The following CSNK2A2 variants were observed in gnomAD, a reference collection of about 807,000 sequenced individuals.
CSNK2A2 encodes the protein casein kinase 2 alpha 2, also known as casein kinase II subunit alpha'.
In CSNK2A2, 8 loss-of-function variants were observed where a neutral mutation model predicts 54.0. The ratio of observed to expected loss-of-function variants is 0.15; its 90% CI spans 0.09 to 0.27. The LOEUF is 0.27. CSNK2A2 is among the 10% of genes least tolerant of loss of function. The pLI is 1.00. For synonymous variants in CSNK2A2, 141 were observed against 153.9 expected (o/e 0.92, Z 0.62); for missense variants, 242 against 439.4 (o/e 0.55, Z 4.02).
At chr16:58,162,396 C>T (rs1961409665) in intron 11 of CSNK2A2, 1 of 152,136 alleles carries the variant, frequency 6.6e-6, no homozygotes, top group Admixed American at 6.5e-5. Context: ...CATTCCTTGG[C>T]TTTGGGATCT....
In CSNK2A2 at chr16:58,177,167, T is replaced by C. The variant is rs117049994; in HGVS notation, c.370-2657A>G. On this transcript the variant is annotated intron_variant, in intron 4 of 11. Transcript: ENST00000262506. Reference sequence around the variant, plus strand: ...CCAAACACCATGTATGGCAGCTCTGTCTTGCATACATGTTTTTACAATGTT... The same window carrying C: ...CCAAACACCATGTATGGCAGCTCTGCCTTGCATACATGTTTTTACAATGTT... 3.0e-3 allele frequency among the ~76,000 whole-genome samples: 459 copies of C among 152,288 alleles called. 11 individuals carry two copies. In the East Asian group the frequency reaches 0.076, roughly 25 times the overall value.
At chr16:58,161,749 C>G (rs946755313) in intron 11 of CSNK2A2, 1 of 152,172 alleles carries the variant, frequency 6.6e-6, no homozygotes. Flanking sequence ...GGTGCCAAGA[C>G]CAGACCCAGG....
chr16:58,159,413 A>C (rs950799119), intron 11 of CSNK2A2: 23 of 152,256 alleles, frequency 1.5e-4, no homozygotes, highest in African/African-American at 5.5e-4. Flanking sequence ...GAACACTCCC[A>C]ACAGGACACC....
At chr16:58,167,428 TA>T (rs869080441) in intron 7 of CSNK2A2, 120 bp from the exon 8 acceptor site, 5 of 700,456 alleles carry the variant, frequency 7.1e-6, no homozygotes, top group Non-Finnish European at 8.9e-6. Flanking sequence ...ATAATTTATT[TA>T]AAAAAAATTT....
chr16:58,195,281 G>A (rs1438297948), intron 2 of CSNK2A2, among the ~76,000 whole-genome samples: 1 of 151,750 alleles, frequency 6.6e-6, no homozygotes, highest in Non-Finnish European at 1.5e-5. Context: ...TCACTTCTCA[G>A]CCCCAGTGTG....
intron 2 of CSNK2A2, among the ~76,000 whole-genome samples, chr16:58,187,804 ACAGAGCC>A (rs1282381734): frequency 6.6e-6 from 1 of 152,256 alleles, no homozygotes; most frequent in Non-Finnish European, 1.5e-5. Context: ...GCCCAAGATC[ACAGAGCC>A]CATGGCAGAG....
chr16:58,162,230 C>T (rs1961402635), intron 11 of CSNK2A2: 1 of 152,208 alleles, frequency 6.6e-6, no homozygotes, highest in Non-Finnish European at 1.5e-5. Context: ...TTTTGATAAT[C>T]TCAAACACTG....
rs74019831 is a variant in CSNK2A2, at chr16:58,184,585, G to A, written c.319-275C>T. The stretch of plus-strand genomic sequence containing the variant: ...ACTGCTAAAGTTGGGTCATGTGTGA[G>A]GGAAGTTCATTACATTTTTCATTTA... On this transcript the variant is annotated intron_variant, in intron 3 of 11. Transcript: ENST00000262506. Among the ~76,000 whole-genome samples the A allele has an allele frequency of 0.07, 10,712 of 152,252 alleles. 476 individuals carry two copies. Among genetic ancestry groups the A allele is most frequent in the South Asian group, 0.21 (999 of 4,822 alleles).
At chr16:58,187,222 G>C (rs1243075516) in intron 2 of CSNK2A2, among the ~76,000 whole-genome samples, 1 of 151,284 alleles carries the variant, frequency 6.6e-6, no homozygotes, top group Non-Finnish European at 1.5e-5. Flanking sequence ...CTCACAAATG[G>C]AAAAACTGAA....
intron 8 of CSNK2A2, 112 bp from the exon 9 acceptor site, chr16:58,166,796 C>G: frequency 1.3e-6 from 1 of 742,220 alleles, no homozygotes; most frequent in Non-Finnish European, 2.3e-6. Flanking sequence ...CCTCTAGGAA[C>G]GAGATACAAA....
intron 11 of CSNK2A2, chr16:58,163,253 C>CAAAAAAAAAAAAA (rs55808367): frequency 9.0e-5 from 6 of 66,606 alleles, no homozygotes; most frequent in Admixed American, 1.4e-4. Context: ...ACAAGGCTGC[C>CAAAAAAAAAAAAA]AAAAAAAAAA....
intron 7 of CSNK2A2, 47 bp from the exon 8 acceptor site, chr16:58,167,355 T>C: frequency 1.4e-6 from 2 of 1,424,626 alleles, no homozygotes; most frequent in Non-Finnish European, 1.9e-6. Flanking sequence ...TAGAAATCCA[T>C]TTTTCTGATA....
chr16:58,184,041 C>A (rs1008633039), intron 4 of CSNK2A2, among the ~76,000 whole-genome samples: 2 of 152,162 alleles, frequency 1.3e-5, no homozygotes, highest in Non-Finnish European at 2.9e-5. Flanking sequence ...AGCAGCTACT[C>A]CTGGAGTAGG....
At chr16:58,190,450 G>A (rs570209882) in intron 2 of CSNK2A2, among the ~76,000 whole-genome samples, 1 of 152,014 alleles carries the variant, frequency 6.6e-6, no homozygotes, top group Non-Finnish European at 1.5e-5. Flanking sequence ...TAAAAAGAAA[G>A]TTCAGCCTGG....
chr16:58,169,940 TG>T (rs1273537464), intron 5 of CSNK2A2, among the ~76,000 whole-genome samples: 3 of 151,634 alleles, frequency 2.0e-5, no homozygotes, highest in Non-Finnish European at 4.4e-5. Flanking sequence ...CAGCTACTTG[TG>T]GGGCTAAGGC....
At chr16:58,175,571 G>A (rs1323023257) in intron 4 of CSNK2A2, among the ~76,000 whole-genome samples, 1 of 152,014 alleles carries the variant, frequency 6.6e-6, no homozygotes, top group African/African-American at 2.4e-5. Flanking sequence ...ATAAAAACTG[G>A]TTTCACGTAT....
In CSNK2A2 at chr16:58,167,095, T is replaced by C. The variant is rs1388948658; in HGVS notation, c.726+112A>G. 1.1e-5 allele frequency: 7 copies of C among 640,532 alleles called. No individual in the cohort carries two copies. In the East Asian group the frequency reaches 1.7e-4, roughly 16 times the overall value. The allele number at this position is 640,532 out of a possible 1,614,324, so 39.7% of individuals were successfully genotyped here. A position where few individuals can be genotyped will look rare whatever the true frequency, so the allele number is the denominator to read the frequency against. Reference sequence around the variant, plus strand: ...GATCTTTATCTTGAAGAAAAGCTCATATGCAGACACTGAGTGATACTTAGT... The same window carrying C: ...GATCTTTATCTTGAAGAAAAGCTCACATGCAGACACTGAGTGATACTTAGT... On this transcript the variant is annotated intron_variant, in intron 8 of 11. Coordinates refer to ENST00000262506, the MANE Select transcript of CSNK2A2 (RefSeq NM_001896.4).
At chr16:58,184,460 A>C in intron 3 of CSNK2A2, 150 bp from the exon 4 acceptor site, 1 of 547,132 alleles carries the variant, frequency 1.8e-6, no homozygotes, top group Non-Finnish European at 3.2e-6. Flanking sequence ...ATTCTCTTGA[A>C]ATTTTATGAT....
In CSNK2A2 at chr16:58,168,493, C is replaced by A; in HGVS notation, c.513+117G>T. On this transcript the variant is annotated intron_variant, in intron 6 of 11. Coordinates refer to ENST00000262506, the MANE Select transcript of CSNK2A2 (RefSeq NM_001896.4). ...ATGGAGATGGGAGAAATCACAGTAA[C>A]GAAAGTTTGCCAAAAAACCCACCAC... is the stretch of plus-strand genomic sequence containing the variant. 6 of 692,812 alleles carry A rather than the reference C, an allele frequency of 8.7e-6. No homozygotes were observed. In the South Asian group the frequency reaches 1.1e-4, roughly 13 times the overall value. 42.9% of individuals were successfully genotyped at this position (692,812 alleles called of 1,614,324 possible).
Sources: allele counts gnomAD v4.1 joint callset (sites outside exome capture counted in the v4.1 genomes callset), GRCh38; gene constraint gnomAD v4.1.1; transcripts MANE v1.5; gene names NCBI Gene and HGNC (gene_info 2026-07-23, HGNC 2026-07-21).